The following LCLAT1 variants were observed in gnomAD, a reference collection of about 807,000 sequenced individuals.
LCLAT1 encodes lysocardiolipin acyltransferase 1.
Under a neutral mutation model 30.7 loss-of-function variants are expected in LCLAT1, and 11 were observed. The ratio of observed to expected loss-of-function variants is 0.36; its 90% CI spans 0.23 to 0.59. The LOEUF is 0.59. Ranked by LOEUF, LCLAT1 falls within the 20% of genes least tolerant of loss-of-function variation. The pLI is 0.77. For synonymous variants in LCLAT1, 155 were observed against 151.3 expected (o/e 1.02, Z -0.18); for missense variants, 402 against 458.6 (o/e 0.88, Z 1.13).
chr2:30,552,629 G>C, intron 3 of LCLAT1: 1 of 384,970 alleles, frequency 2.6e-6, no homozygotes, highest in Admixed American at 2.8e-5. Context: ...GGGATGTGGA[G>C]AGCATTACCC....
chr2:30,480,552 C>A (rs1056676971), intron 1 of LCLAT1, among the ~76,000 whole-genome samples: 1 of 152,096 alleles, frequency 6.6e-6, no homozygotes, highest in African/African-American at 2.4e-5. Context: ...ATTTATCTGA[C>A]TTTTTCTCTT....
chr2:30,612,709 A>G (rs1330064257), intron 5 of LCLAT1, among the ~76,000 whole-genome samples: 1 of 152,158 alleles, frequency 6.6e-6, no homozygotes, highest in Non-Finnish European at 1.5e-5. Flanking sequence ...AGGGATCATT[A>G]ATCACAATTA....
chr2:30,499,254 G>A (rs1341335419), intron 1 of LCLAT1, among the ~76,000 whole-genome samples: 4 of 152,048 alleles, frequency 2.6e-5, no homozygotes, highest in Non-Finnish European at 5.9e-5. Flanking sequence ...GTCTCAGCCC[G>A]CTGCAAACCT....
intron 1 of LCLAT1, among the ~76,000 whole-genome samples, chr2:30,506,794 G>T (rs1384355946): frequency 6.6e-6 from 1 of 152,106 alleles, no homozygotes; most frequent in Non-Finnish European, 1.5e-5. Flanking sequence ...GTTAGAAAAT[G>T]CAGACATGTT....
intron 1 of LCLAT1, among the ~76,000 whole-genome samples, chr2:30,519,668 G>T (rs1179597343): frequency 6.6e-6 from 1 of 152,200 alleles, no homozygotes; most frequent in Non-Finnish European, 1.5e-5. Flanking sequence ...CTAAAAGCAG[G>T]AGGTAAAGAA....
In LCLAT1 at chr2:30,560,614, G is replaced by A. The variant is rs192852137; in HGVS notation, c.365-1532G>A. Among the ~76,000 whole-genome samples the A allele has an allele frequency of 1.7e-3, 258 of 152,248 alleles. 1 individual carries two copies. Among genetic ancestry groups the A allele is most frequent in the African/African-American group, 6.0e-3 (248 of 41,540 alleles). Reference sequence around the variant, plus strand: ...GGCCTCCCAAATTGCTGGGATTACAGGCATGAGCCACCATGCCTGGCTATG... The same window carrying A: ...GGCCTCCCAAATTGCTGGGATTACAAGCATGAGCCACCATGCCTGGCTATG... On this transcript the variant is annotated intron_variant, in intron 3 of 5. Coordinates refer to ENST00000379509, the MANE Select transcript of LCLAT1 (RefSeq NM_001002257.3).
chr2:30,456,894 G>A (rs1192566929), intron 1 of LCLAT1, among the ~76,000 whole-genome samples: 1 of 152,190 alleles, frequency 6.6e-6, no homozygotes, highest in African/African-American at 2.4e-5. Context: ...TGCTGGAAGC[G>A]AAAGTTGGAC....
chr2:30,552,456 C>A, intron 3 of LCLAT1: 2 of 409,196 alleles, frequency 4.9e-6, no homozygotes, highest in East Asian at 7.5e-5. Flanking sequence ...ATTACTTGCT[C>A]ATATTTTATA....
At chr2:30,467,467 T>C (rs529905382) in intron 1 of LCLAT1, among the ~76,000 whole-genome samples, 8 of 152,384 alleles carry the variant, frequency 5.2e-5, no homozygotes, top group African/African-American at 1.7e-4. Flanking sequence ...ATGGGATGGC[T>C]GGGTCAAATG....
rs537687709 is a variant in LCLAT1 at position 30,598,530 on chromosome 2, T to A, written c.628+30354T>A. Reference sequence around the variant, plus strand: ...ATTTTGTATTGCGTCTATTTGATTCTTCTCTTTTTTCTTCTTGATTAGTCT... The same window carrying A: ...ATTTTGTATTGCGTCTATTTGATTCATCTCTTTTTTCTTCTTGATTAGTCT... On this transcript the variant is annotated intron_variant, in intron 5 of 5. Transcript: ENST00000379509. 1.1e-4 allele frequency among the ~76,000 whole-genome samples: 17 copies of A among 152,218 alleles called. No individual in the cohort carries two copies. In the South Asian group the frequency reaches 3.5e-3, roughly 32 times the overall value.
At chr2:30,521,631 C>G (rs1026064637) in intron 1 of LCLAT1, among the ~76,000 whole-genome samples, 10 of 149,754 alleles carry the variant, frequency 6.7e-5, no homozygotes, top group Admixed American at 2.7e-4. Context: ...CTCACCCTCC[C>G]TAGTAACTGG....
At chr2:30,563,387 C>T (rs956918713) in intron 4 of LCLAT1, among the ~76,000 whole-genome samples, 6 of 152,276 alleles carry the variant, frequency 3.9e-5, no homozygotes, top group South Asian at 2.1e-4. Flanking sequence ...AAAAGCAGAA[C>T]TGCTCTGGTT....
chr2:30,630,303 G>T (rs565692230), intron 5 of LCLAT1, among the ~76,000 whole-genome samples: 2 of 152,110 alleles, frequency 1.3e-5, no homozygotes, highest in South Asian at 2.1e-4. Context: ...TCACATTGGG[G>T]GTTAGGGCAT....
intron 5 of LCLAT1, among the ~76,000 whole-genome samples, chr2:30,634,450 AC>A (rs1362242877): frequency 6.6e-6 from 1 of 152,128 alleles, no homozygotes; most frequent in Non-Finnish European, 1.5e-5. Flanking sequence ...ACATGGTGAA[AC>A]CCCATCTCTA....
intron 1 of LCLAT1, among the ~76,000 whole-genome samples, chr2:30,456,614 T>C (rs552855930): frequency 2.0e-5 from 3 of 152,318 alleles, no homozygotes; most frequent in African/African-American, 7.2e-5. Flanking sequence ...ATGTTGTTTA[T>C]TGCTCATTTC....
Position 30,533,310 on chromosome 2 carries a change from A to C in LCLAT1, c.360A>C (p.Gly120=). The C allele has an allele frequency of 6.2e-7, 1 of 1,613,502 alleles. No individual in the cohort carries two copies. Residue 120 remains glycine (G), a synonymous_variant, in exon 3 of 6, where the codon GGA becomes GGC. Coordinates refer to ENST00000379509, the MANE Select transcript of LCLAT1 (RefSeq NM_001002257.3). ...CLKASLKGVP[G]FGWAMQAAAY... is the part of the protein sequence containing the mutation. Reference sequence around the variant, plus strand: ...AAGCGAGTCTCAAAGGTGTTCCTGGATTTGGTAGGTTATTCACACATTATT... The same window carrying C: ...AAGCGAGTCTCAAAGGTGTTCCTGGCTTTGGTAGGTTATTCACACATTATT...
chr2:30,599,039 G>T (rs1300142591), intron 5 of LCLAT1, among the ~76,000 whole-genome samples: 2 of 151,420 alleles, frequency 1.3e-5, no homozygotes, highest in African/African-American at 4.9e-5. Flanking sequence ...CTAGAGTGCA[G>T]TGGCGTGATC....
At chr2:30,474,648 A>C (rs1337644087) in intron 1 of LCLAT1, among the ~76,000 whole-genome samples, 2 of 96,904 alleles carry the variant, frequency 2.1e-5, no homozygotes, top group African/African-American at 3.2e-5. Context: ...AAATAATTTA[A>C]CTTTTTTTTT....
intron 1 of LCLAT1, chr2:30,476,423 A>G (rs949153047): frequency 2.2e-6 from 1 of 456,686 alleles, no homozygotes; most frequent in Non-Finnish European, 4.4e-6. Flanking sequence ...CACTTGAATT[A>G]TCTCCTGATT....
Sources: gnomAD v4.1 joint callset for allele counts (sites outside exome capture counted in the v4.1 genomes callset) on GRCh38, gnomAD v4.1.1 for gene constraint, MANE v1.5 for transcripts, NCBI Gene and HGNC (gene_info 2026-07-23, HGNC 2026-07-21) for gene names.